The following POLR3E variants were observed in gnomAD, a reference collection of about 807,000 sequenced individuals.
POLR3E encodes the protein DNA-directed RNA polymerase III subunit RPC5.
Under a neutral mutation model 96.6 loss-of-function variants are expected in POLR3E, and 41 were observed. That is an observed-to-expected ratio of 0.42 (90% CI 0.33 to 0.55). The LOEUF (loss-of-function observed/expected upper bound fraction) is 0.55. POLR3E is among the 20% of genes least tolerant of loss of function. The probability of loss-of-function intolerance (pLI) is 0.06; values close to 1 mark genes in which losing one functional copy is unlikely to be tolerated. For synonymous variants in POLR3E, 396 were observed against 383.6 expected (o/e 1.03, Z -0.38); for missense variants, 849 against 952.1 (o/e 0.89, Z 1.43).
Position 22,317,188 on chromosome 16 carries a change from A to G in POLR3E, c.847A>G (p.Lys283Glu). The change falls in exon 12 of 21, where the codon AAG becomes GAG. Residue 283 changes from lysine to glutamate, a missense_variant. Coordinates refer to ENST00000299853, the MANE Select transcript of POLR3E (RefSeq NM_018119.4). ...CACGCTGCCCCTGGCCGATCAGATCAAGATCCTGATGAAGAATGGTGGGTG... is the reference window on the plus strand; with the variant it reads ...CACGCTGCCCCTGGCCGATCAGATCGAGATCCTGATGAAGAATGGTGGGTG... The part of the protein sequence containing the change: ...LRTLPLADQI[K>E]ILMKNVKVMP... The G allele has an allele frequency of 6.2e-7, 1 of 1,613,080 alleles. No individual in the cohort carries two copies. The highest frequency in any genetic ancestry group is 8.5e-7 in the Non-Finnish European group (1 of 1,179,948).
Position 22,309,752 on chromosome 16 carries a change from C to T in POLR3E, c.364+242C>T, listed in dbSNP as rs2048208112. 8.7e-6 allele frequency: 5 copies of T among 572,518 alleles called. No homozygotes were observed. The South Asian group carries it at 1.1e-4, about 12-fold the overall frequency. 35.5% of individuals were successfully genotyped at this position (572,518 alleles called of 1,614,324 possible). A position where few individuals can be genotyped will look rare whatever the true frequency, so the allele number is the denominator to read the frequency against. ...GGGGTGGGGCTCCAAGTTCATTTGT[C>T]CTCCCGGGACACAGATACATACAAG... On this transcript the variant is annotated intron_variant, in intron 6 of 20. Coordinates refer to ENST00000299853, the MANE Select transcript of POLR3E (RefSeq NM_018119.4).
At chr16:22,325,394 C>T (rs916275656) in intron 17 of POLR3E, 128 bp downstream of exon 17, 1 of 789,950 alleles carries the variant, frequency 1.3e-6, no homozygotes, top group Non-Finnish European at 2.2e-6. Flanking sequence ...ACCCTTCACC[C>T]TCCTTCCTTT....
intron 17 of POLR3E, 95 bp downstream of exon 17, chr16:22,325,361 A>G (rs1238833235): frequency 1.0e-6 from 1 of 987,684 alleles, no homozygotes; most frequent in Non-Finnish European, 1.6e-6. Flanking sequence ...GGACCTGGAG[A>G]GGGTGGAGGG....
In POLR3E at chr16:22,322,773, G is replaced by A; in HGVS notation, c.987-77G>A. The A allele has an allele frequency of 2.0e-6, 2 of 1,008,528 alleles. No individual in the cohort carries two copies. Among genetic ancestry groups the A allele is most frequent in the East Asian group, 2.5e-5 (1 of 40,040 alleles). 62.5% of individuals were successfully genotyped at this position (1,008,528 alleles called of 1,614,324 possible). On this transcript the variant is annotated intron_variant, in intron 13 of 20. Coordinates refer to ENST00000299853, the MANE Select transcript of POLR3E (RefSeq NM_018119.4). The surrounding 1 kb of genome is among the most constrained non-coding windows in gnomAD (Gnocchi z 5.2). ...CCCACGGTGGAAAGAAGCATGGACT[G>A]GGGCTTGGCCGGGAGGGGTAGCGGT...
At position 22,325,885 on chromosome 16, in the gene POLR3E, C is replaced by T. The variant is rs532939991; in HGVS notation, c.1473C>T (p.Val491=). 5.0e-6 allele frequency: 8 copies of T among 1,609,678 alleles called. No homozygotes were observed. The highest frequency in any genetic ancestry group is 6.8e-6 in the Non-Finnish European group (8 of 1,178,214). ...RRKEQLRVPA[V]PPGVRIKEEP... is the part of the protein sequence containing the mutation. ...AGGAGCAGCTGCGGGTGCCTGCGGT[C>T]CCGCCCGGTGTGCGGATCAAGGAGG... Residue 491 remains valine (V), a synonymous_variant, in exon 18 of 21, where the codon GTC becomes GTT. Coordinates refer to ENST00000299853, the MANE Select transcript of POLR3E (RefSeq NM_018119.4).
intron 14 of POLR3E, among the ~76,000 whole-genome samples, chr16:22,323,407 C>G (rs1001612073): frequency 6.6e-6 from 1 of 151,966 alleles, no homozygotes; most frequent in African/African-American, 2.4e-5. Context: ...GCTGGTGTCT[C>G]CCTTCTTCCC....
chr16:22,329,094 A>G (rs1406703691), intron 19 of POLR3E: 1 of 165,352 alleles, frequency 6.0e-6, no homozygotes, highest in Admixed American at 5.9e-5. Flanking sequence ...TCAGAAAGAA[A>G]AAAAAAAAAA....
intron 9 of POLR3E, among the ~76,000 whole-genome samples, 199 bp downstream of exon 9, chr16:22,315,407 A>G (rs2048333469): frequency 2.0e-5 from 3 of 152,196 alleles, no homozygotes; most frequent in Admixed American, 1.3e-4. Flanking sequence ...AGAGGAAAAG[A>G]TGCGAGTCCT....
chr16:22,324,583 T>A lies in POLR3E; in HGVS notation c.1209T>A (p.Pro403=). ...ACAAAGGCTGGGAGTTCATTCTGCCTTATGATGGGGAGTTCATCAAGAAGC... is the reference window on the plus strand; with the variant it reads ...ACAAAGGCTGGGAGTTCATTCTGCCATATGATGGGGAGTTCATCAAGAAGC... ...RINKGWEFIL[P]YDGEFIKKHP... is the part of the protein sequence containing the mutation. Residue 403 remains proline (P), a synonymous_variant, in exon 16 of 21, where the codon CCT becomes CCA. Coordinates refer to ENST00000299853, the MANE Select transcript of POLR3E (RefSeq NM_018119.4). 1 of 1,613,454 alleles carries A rather than the reference T, an allele frequency of 6.2e-7. No individual in the cohort carries two copies. The highest frequency in any genetic ancestry group is 1.1e-5 in the South Asian group (1 of 91,042).
chr16:22,308,871 G>A lies in POLR3E; in HGVS notation c.166-54G>A, dbSNP rs1048728511. 2.2e-5 allele frequency: 28 copies of A among 1,245,860 alleles called. No individual in the cohort carries two copies. In the Middle Eastern group the frequency reaches 5.8e-4, roughly 26 times the overall value. 77.2% of individuals were successfully genotyped at this position (1,245,860 alleles called of 1,614,324 possible). A position where few individuals can be genotyped will look rare whatever the true frequency, so the allele number is the denominator to read the frequency against. ...CCATGGTGGGGTTGGGGTGTCCCTT[G>A]AGGAGCCATGCCTTGGGGTCCTCAT... On this transcript the variant is annotated intron_variant, in intron 4 of 20. Coordinates refer to ENST00000299853, the MANE Select transcript of POLR3E (RefSeq NM_018119.4).
intron 2 of POLR3E, 37 bp downstream of exon 2, chr16:22,303,041 C>T (rs977326184): frequency 1.9e-6 from 3 of 1,598,138 alleles, no homozygotes; most frequent in Admixed American, 3.3e-5. Flanking sequence ...GCCGGGGCTA[C>T]AGGCAGTGGA....
intron 6 of POLR3E, chr16:22,310,122 T>G (rs2048214842): frequency 6.5e-6 from 1 of 154,648 alleles, no homozygotes; most frequent in African/African-American, 2.4e-5. Flanking sequence ...AGCTACGCGC[T>G]GTGTGATTAC....
intron 3 of POLR3E, among the ~76,000 whole-genome samples, chr16:22,305,990 G>A (rs1305276487): frequency 1.3e-5 from 2 of 152,098 alleles, no homozygotes; most frequent in African/African-American, 2.4e-5. Flanking sequence ...TGCAACCAGC[G>A]CCACAGTCTG....
At chr16:22,306,264 G>T (rs934252109) in intron 3 of POLR3E, among the ~76,000 whole-genome samples, 13 of 151,730 alleles carry the variant, frequency 8.6e-5, no homozygotes, top group Non-Finnish European at 2.9e-5. Flanking sequence ...TCTTTTTTTT[G>T]TTTGTTTGTT....
At position 22,317,014 on chromosome 16, in the gene POLR3E, A is replaced by T. The variant is rs1159024515; in HGVS notation, c.748A>T (p.Met250Leu). Residue 250 changes from methionine to leucine, a missense_variant, in exon 11 of 21, where the codon ATG (methionine) becomes TTG (leucine). Physicochemically the swap from Met to Leu is conservative, Grantham distance 15. Transcript: ENST00000299853. ...KSPSEYLMML[M>L]PPSQEEEKDK... ...CTGCAGTGAGTACCTGATGATGCTG[A>T]TGCCACCCAGCCAGGAGGAGGAGAA... is the stretch of plus-strand genomic sequence containing the variant. 1.9e-6 allele frequency: 3 copies of T among 1,614,042 alleles called. No individual in the cohort carries two copies. The highest frequency in any genetic ancestry group is 2.5e-6 in the Non-Finnish European group (3 of 1,180,006).
chr16:22,302,765 G>A (rs1400765297), intron 1 of POLR3E, 166 bp from the exon 2 acceptor site: 1 of 633,044 alleles, frequency 1.6e-6, no homozygotes, highest in Non-Finnish European at 2.8e-6. Flanking sequence ...TCTGGCTGAT[G>A]GGGTATAGGG....
At position 22,315,143 on chromosome 16, in the gene POLR3E, T is replaced by C; in HGVS notation, c.577T>C (p.Tyr193His). The C allele has an allele frequency of 6.2e-7, 1 of 1,612,634 alleles. No homozygotes were observed. The highest frequency in any genetic ancestry group is 8.5e-7 in the Non-Finnish European group (1 of 1,179,348). Reference protein sequence around the residue: ...EQARQRRVQSYEFLQKKHAEE... With the variant: ...EQARQRRVQSHEFLQKKHAEE... Reference sequence around the variant, plus strand: ...GGCCCGCCAGCGCCGTGTGCAGTCCTATGAGTTCCTGCAGAAGAAGCACGC... The same window carrying C: ...GGCCCGCCAGCGCCGTGTGCAGTCCCATGAGTTCCTGCAGAAGAAGCACGC... Residue 193 changes from tyrosine to histidine, a missense_variant, in exon 9 of 21, where the codon TAT becomes CAT. By Grantham distance (83) the Tyr-to-His change is moderately conservative. Coordinates refer to ENST00000299853, the MANE Select transcript of POLR3E (RefSeq NM_018119.4).
In POLR3E at chr16:22,315,164, C is replaced by A. The variant is rs774752527; in HGVS notation, c.598C>A (p.His200Asn). 3 of 1,609,166 alleles carry A rather than the reference C, an allele frequency of 1.9e-6. No homozygotes were observed. ...VQSYEFLQKK[H>N]AEEPWVHLHY... ...GTCCTATGAGTTCCTGCAGAAGAAG[C>A]ACGCAGAGGAGCCCTGGGTCCACCT... Residue 200 changes from histidine (H) to asparagine (N), a missense_variant, in exon 9 of 21, where the codon CAC (histidine) becomes AAC (asparagine). By Grantham distance (68) the His-to-Asn change is moderately conservative. Transcript: ENST00000299853.
chr16:22,305,631 T>G (rs2048118532), intron 3 of POLR3E: 1 of 370,226 alleles, frequency 2.7e-6, no homozygotes, highest in Non-Finnish European at 5.3e-6. Flanking sequence ...GGCAGAGAGT[T>G]GGTGCCAGTG....
Sources: gnomAD v4.1 joint callset for allele counts (sites outside exome capture counted in the v4.1 genomes callset) on GRCh38, gnomAD v4.1.1 for gene constraint, Gnocchi (gnomAD v3.1) non-coding constraint, MANE v1.5 for transcripts, NCBI Gene and HGNC (gene_info 2026-07-23, HGNC 2026-07-21) for gene names.